The following CADM2 variants were observed in gnomAD, a reference collection of about 807,000 sequenced individuals.
The protein encoded by CADM2 is cell adhesion molecule 2, also known as immunoglobulin superfamily member 4D.
Under a neutral mutation model 49.8 loss-of-function variants are expected in CADM2, and 12 were observed. The ratio of observed to expected loss-of-function variants is 0.24; its 90% CI spans 0.15 to 0.39. CADM2 has a LOEUF of 0.39. Ranked by LOEUF, CADM2 falls within the 10% of genes least tolerant of loss-of-function variation. The pLI, the probability that CADM2 is intolerant of heterozygous loss-of-function variation, is 1.00. For synonymous variants in CADM2, 214 were observed against 175.4 expected, an observed-to-expected ratio of 1.22 and a Z score of -1.74; for missense variants, 378 against 492.3, an observed-to-expected ratio of 0.77 and a Z score of 2.20.
At chr3:86,027,290 A>T (rs1273949728) in intron 8 of CADM2, among the ~76,000 whole-genome samples, 1 of 152,178 alleles carries the variant, frequency 6.6e-6, no homozygotes, top group Non-Finnish European at 1.5e-5. Flanking sequence ...AATTTAAAAC[A>T]TATTTATTAT....
intron 6 of CADM2, among the ~76,000 whole-genome samples, chr3:85,922,114 C>T (rs113088918): frequency 9.2e-5 from 14 of 151,712 alleles, no homozygotes; most frequent in African/African-American, 3.4e-4. Flanking sequence ...TCCTTCTCCT[C>T]CTTCTTCTTC....
intron 1 of CADM2, among the ~76,000 whole-genome samples, chr3:85,232,104 T>G (rs1196040145): frequency 1.3e-5 from 2 of 149,162 alleles, no homozygotes; most frequent in Non-Finnish European, 3.0e-5. Flanking sequence ...CCTTGGCCCC[T>G]TTTTTTGTGT....
chr3:85,666,991 TA>T, intron 1 of CADM2, among the ~76,000 whole-genome samples: 1 of 151,946 alleles, frequency 6.6e-6, no homozygotes, highest in East Asian at 1.9e-4. Flanking sequence ...AGAAAGCAAA[TA>T]AATAAACAAA....
At position 85,606,863 on chromosome 3, in the gene CADM2, T is replaced by C. The variant is rs374487724; in HGVS notation, c.62-119659T>C. Among the ~76,000 whole-genome samples the C allele has an allele frequency of 2.0e-4, 31 of 152,222 alleles. No individual in the cohort carries two copies. In the East Asian group the frequency reaches 3.1e-3, roughly 15 times the overall value. On this transcript the variant is annotated intron_variant, in intron 1 of 9. Transcript: ENST00000383699. Reference sequence around the variant, plus strand: ...AGCTACAAAGATTGGATCTGCATTATTGGAAGTGAAGCATATTTAAGATAT... The same window carrying C: ...AGCTACAAAGATTGGATCTGCATTACTGGAAGTGAAGCATATTTAAGATAT...
At chr3:85,110,499 G>C (rs1352270199) in intron 1 of CADM2, among the ~76,000 whole-genome samples, 1 of 151,744 alleles carries the variant, frequency 6.6e-6, no homozygotes, top group Non-Finnish European at 1.5e-5. Flanking sequence ...ACAAAGAAAA[G>C]GATCCTCAGG....
chr3:85,196,074 C>G (rs1212602874), intron 1 of CADM2, among the ~76,000 whole-genome samples: 1 of 151,946 alleles, frequency 6.6e-6, no homozygotes, highest in Non-Finnish European at 1.5e-5. Context: ...GTTAGAGTGT[C>G]CCCAGCAGCT....
At chr3:85,282,426 CA>C (rs1422049698) in intron 1 of CADM2, among the ~76,000 whole-genome samples, 2 of 146,696 alleles carry the variant, frequency 1.4e-5, no homozygotes, top group African/African-American at 5.0e-5. Context: ...CACTCTTGGC[CA>C]AATTTTTTTT....
chr3:85,900,151 T>G (rs2108446886), intron 5 of CADM2, among the ~76,000 whole-genome samples: 1 of 152,320 alleles, frequency 6.6e-6, no homozygotes, highest in Non-Finnish European at 1.5e-5. Flanking sequence ...TCATTTTTCA[T>G]TATGATGTTC....
chr3:85,999,276 G>GT (rs1559791929), intron 8 of CADM2, among the ~76,000 whole-genome samples: 6 of 150,998 alleles, frequency 4.0e-5, no homozygotes, highest in Non-Finnish European at 7.4e-5. Context: ...AGGGTTGGGG[G>GT]GTGGATCACT....
intron 1 of CADM2, among the ~76,000 whole-genome samples, chr3:85,401,369 A>C (rs921105816): frequency 6.6e-6 from 1 of 152,168 alleles, no homozygotes; most frequent in Non-Finnish European, 1.5e-5. Context: ...TAAAGAAATA[A>C]AAGGTGGCAA....
chr3:86,065,548 T>A, intron 8 of CADM2, 57 bp from the exon 9 acceptor site: 1 of 1,545,574 alleles, frequency 6.5e-7, no homozygotes, highest in Non-Finnish European at 8.8e-7. Context: ...AATGCAGTTA[T>A]GTATTCTGTG....
chr3:85,114,276 T>C (rs1415348966), intron 1 of CADM2, among the ~76,000 whole-genome samples: 2 of 151,934 alleles, frequency 1.3e-5, no homozygotes. Context: ...GCTGAATCGA[T>C]AGGACAGAAG....
intron 1 of CADM2, among the ~76,000 whole-genome samples, chr3:85,125,710 G>C (rs115287590): frequency 0.03 from 4,579 of 152,180 alleles, 99 homozygotes; most frequent in South Asian, 0.044. Flanking sequence ...TTTATTTCAT[G>C]GTTTTGTGGC....
intron 1 of CADM2, among the ~76,000 whole-genome samples, chr3:85,155,618 C>A (rs534617965): frequency 1.3e-5 from 2 of 152,094 alleles, no homozygotes; most frequent in Non-Finnish European, 2.9e-5. Context: ...ACTCTCCACC[C>A]CAAATCAACA....
chr3:85,743,843 G>T (rs2068496455), intron 2 of CADM2, among the ~76,000 whole-genome samples: 1 of 152,086 alleles, frequency 6.6e-6, no homozygotes, highest in African/African-American at 2.4e-5. Flanking sequence ...GACATTGTAA[G>T]TCATAAGAGA....
intron 8 of CADM2, among the ~76,000 whole-genome samples, chr3:85,999,157 A>C (rs966813533): frequency 2.6e-5 from 4 of 152,084 alleles, no homozygotes; most frequent in South Asian, 2.1e-4. Flanking sequence ...AGCAAGACTC[A>C]TAGCACCAAA....
chr3:85,855,687 C>A (rs1379808891), intron 3 of CADM2, among the ~76,000 whole-genome samples: 2 of 149,242 alleles, frequency 1.3e-5, no homozygotes, highest in Non-Finnish European at 3.0e-5. Context: ...AGTGCAGTGG[C>A]ATTATCTCAG....
At chr3:84,971,803 G>C (rs899064194) in intron 1 of CADM2, among the ~76,000 whole-genome samples, 4 of 152,080 alleles carry the variant, frequency 2.6e-5, no homozygotes, top group African/African-American at 9.7e-5. Flanking sequence ...TAAGGTAAAA[G>C]TAAATTCGAT....
At chr3:85,623,651 T>C (rs1165400742) in intron 1 of CADM2, among the ~76,000 whole-genome samples, 1 of 152,198 alleles carries the variant, frequency 6.6e-6, no homozygotes, top group African/African-American at 2.4e-5. Context: ...GTTTCTTGTT[T>C]TATAGAAACT....
Sources: gnomAD v4.1 joint callset for allele counts (sites outside exome capture counted in the v4.1 genomes callset) on GRCh38, gnomAD v4.1.1 for gene constraint, MANE v1.5 for transcripts, NCBI Gene and HGNC (gene_info 2026-07-23, HGNC 2026-07-21) for gene names.